CREB1: variants seen among roughly 807,000 people sequenced by gnomAD.
CREB1 encodes cAMP responsive element binding protein 1.
Under a neutral mutation model 42.0 loss-of-function variants are expected in CREB1, and 2 were observed. The observed-to-expected ratio is 0.05, with a 90% CI of 0.02 to 0.15. The LOEUF is 0.15. Among genes scored for constraint, CREB1 ranks in the 10% least tolerant of loss-of-function variants. The pLI is 1.00. For synonymous variants in CREB1, 123 were observed against 139.9 expected (o/e 0.88, Z 0.85); for missense variants, 199 against 388.9 (o/e 0.51, Z 4.11).
intron 1 of CREB1, among the ~76,000 whole-genome samples, chr2:207,543,896 G>A (rs923397887): frequency 3.4e-5 from 5 of 145,302 alleles, no homozygotes; most frequent in East Asian, 4.2e-4. Flanking sequence ...GAGCCACGGC[G>A]CCCAGCCAAA....
chr2:207,576,168 T>C (rs1371781773), intron 6 of CREB1, among the ~76,000 whole-genome samples: 1 of 150,792 alleles, frequency 6.6e-6, no homozygotes, highest in Non-Finnish European at 1.5e-5. Context: ...TATACCAATA[T>C]GCAAATCTGC....
rs1384329280 is a variant in CREB1 at position 207,603,393 on chromosome 2, CATTT to C, written c.*6338_*6341del. 3.6e-5 allele frequency: 8 copies of C among 224,108 alleles called. No homozygotes were observed. The highest frequency in any genetic ancestry group is 1.1e-4 in the African/African-American group (5 of 44,812). The allele number at this position is 224,108 out of a possible 1,614,324, so 13.9% of individuals were successfully genotyped here. A position where few individuals can be genotyped will look rare whatever the true frequency, so the allele number is the denominator to read the frequency against. On this transcript the variant is annotated 3_prime_UTR_variant, in exon 8 of 8. Transcript: ENST00000353267. ...TGTCATAATGCTCTTTTTACACAAACATTTATGTGCAGTCACATAAACATGCTTT... is the reference window on the plus strand; with the variant it reads ...TGTCATAATGCTCTTTTTACACAAACATGTGCAGTCACATAAACATGCTTT...
At chr2:207,553,503 CCAG>C in intron 1 of CREB1, among the ~76,000 whole-genome samples, 1 of 149,848 alleles carries the variant, frequency 6.7e-6, no homozygotes, top group Middle Eastern at 3.2e-3. Context: ...TTGATAATAA[CCAG>C]AGTTATTTGA....
At position 207,567,486 on chromosome 2, in the gene CREB1, A is replaced by G. The variant is rs2082184003; in HGVS notation, c.285A>G (p.Glu95=). 2 of 1,609,920 alleles carry G rather than the reference A, an allele frequency of 1.2e-6. No homozygotes were observed. Among genetic ancestry groups the G allele is most frequent in the Non-Finnish European group, 8.5e-7 (1 of 1,177,394 alleles). The part of the protein sequence containing the change: ...TVQISTIAES[E]DSQESVDSVT... ...AGATTTCAACTATTGCAGAAAGTGAAGATTCACAGGAGTCAGTGGATAGTG... is the reference window on the plus strand; with the variant it reads ...AGATTTCAACTATTGCAGAAAGTGAGGATTCACAGGAGTCAGTGGATAGTG... The change falls in exon 4 of 8, where the codon GAA becomes GAG. Residue 95 remains glutamate (E), a synonymous_variant. Coordinates refer to ENST00000353267, the MANE Select transcript of CREB1 (RefSeq NM_004379.5).
At chr2:207,595,729 T>G (rs2106636784) in intron 7 of CREB1, among the ~76,000 whole-genome samples, 1 of 152,304 alleles carries the variant, frequency 6.6e-6, no homozygotes, top group Non-Finnish European at 1.5e-5. Context: ...CACACTTGGC[T>G]AAATTTTTAA....
intron 1 of CREB1, among the ~76,000 whole-genome samples, chr2:207,544,968 T>C (rs180764495): frequency 6.6e-6 from 1 of 152,358 alleles, no homozygotes; most frequent in East Asian, 1.9e-4. Context: ...CTGTCATTGA[T>C]GGGCATTTAG....
chr2:207,570,995 G>A (rs1574862988), intron 5 of CREB1, among the ~76,000 whole-genome samples: 2 of 69,606 alleles, frequency 2.9e-5, no homozygotes, highest in East Asian at 6.5e-4. Context: ...AAGCATTTGT[G>A]TGAATGGTAC....
At chr2:207,543,196 A>G (rs2081165151) in intron 1 of CREB1, among the ~76,000 whole-genome samples, 1 of 152,164 alleles carries the variant, frequency 6.6e-6, no homozygotes, top group Non-Finnish European at 1.5e-5. Flanking sequence ...CAGCAAATTC[A>G]AGCTTTACTT....
intron 1 of CREB1, among the ~76,000 whole-genome samples, chr2:207,542,410 T>C (rs1559266394): frequency 6.6e-6 from 1 of 152,252 alleles, no homozygotes; most frequent in Non-Finnish European, 1.5e-5. Context: ...GATTTGTATT[T>C]CCCTCACGAC....
intron 4 of CREB1, 118 bp from the exon 5 acceptor site, chr2:207,570,061 A>AC (rs1312061366): frequency 1.1e-5 from 7 of 651,188 alleles, no homozygotes; most frequent in Non-Finnish European, 1.2e-5. Context: ...AAAAAAAAAA[A>AC]ACCTTCTGTC....
intron 5 of CREB1, among the ~76,000 whole-genome samples, chr2:207,570,996 T>C (rs1399584211): frequency 6.6e-6 from 1 of 151,638 alleles, no homozygotes; most frequent in Non-Finnish European, 1.5e-5. Context: ...AGCATTTGTG[T>C]GAATGGTACT....
At chr2:207,594,879 A>G (rs1297484373) in intron 7 of CREB1, among the ~76,000 whole-genome samples, 3 of 151,754 alleles carry the variant, frequency 2.0e-5, no homozygotes, top group African/African-American at 4.8e-5. Context: ...CTCATCAACA[A>G]TGGGTATTTT....
In CREB1 at chr2:207,597,331, T is replaced by C. The variant is rs1302462003; in HGVS notation, c.*273T>C. On this transcript the variant is annotated 3_prime_UTR_variant, in exon 8 of 8. Coordinates refer to ENST00000353267, the MANE Select transcript of CREB1 (RefSeq NM_004379.5). The stretch of plus-strand genomic sequence containing the variant: ...AACCCCCACCCTCCTCAAGAAGTAA[T>C]AATTTGTTTACTTGTAAATTGATGG... The C allele has an allele frequency of 5.8e-6, 2 of 343,600 alleles. No homozygotes were observed. Among genetic ancestry groups the C allele is most frequent in the Non-Finnish European group, 1.0e-5 (2 of 192,282 alleles). The allele number at this position is 343,600 out of a possible 1,614,324, so 21.3% of individuals were successfully genotyped here.
At chr2:207,535,703 G>C (rs1376333117) in intron 1 of CREB1, among the ~76,000 whole-genome samples, 2 of 151,612 alleles carry the variant, frequency 1.3e-5, no homozygotes, top group Non-Finnish European at 2.9e-5. Context: ...GTTGGACCAA[G>C]TAATACGTAT....
chr2:207,544,621 G>C (rs1195485448), intron 1 of CREB1, among the ~76,000 whole-genome samples: 1 of 152,086 alleles, frequency 6.6e-6, no homozygotes, highest in Non-Finnish European at 1.5e-5. Flanking sequence ...ATAGGTAATC[G>C]TGTGCCATGG....
intron 7 of CREB1, among the ~76,000 whole-genome samples, chr2:207,596,600 A>G (rs1239900133): frequency 6.6e-6 from 1 of 152,138 alleles, no homozygotes; most frequent in Non-Finnish European, 1.5e-5. Flanking sequence ...CACCCCGCTA[A>G]TTTTTGTGTT....
chr2:207,571,310 T>C (rs1023960335), intron 5 of CREB1, among the ~76,000 whole-genome samples: 2 of 152,030 alleles, frequency 1.3e-5, no homozygotes, highest in African/African-American at 4.8e-5. Context: ...TCCAGGAGTT[T>C]AAGACCCCAT....
intron 1 of CREB1, among the ~76,000 whole-genome samples, chr2:207,547,420 C>A (rs1485265422): frequency 6.6e-6 from 1 of 152,168 alleles, no homozygotes; most frequent in African/African-American, 2.4e-5. Context: ...CATTTGAAGA[C>A]AGCTTCATTC....
rs905874599 is a variant in CREB1 at position 207,598,055 on chromosome 2, A to G, written c.*997A>G. ...CACCAAGAAAGCCTTCAAGATGTCA[A>G]ATAAAGCAAAGTGATATATATTTGT... On this transcript the variant is annotated 3_prime_UTR_variant, in exon 8 of 8. Coordinates refer to ENST00000353267, the MANE Select transcript of CREB1 (RefSeq NM_004379.5). 1.7e-5 allele frequency: 3 copies of G among 181,260 alleles called. No individual in the cohort carries two copies. Among genetic ancestry groups the G allele is most frequent in the African/African-American group, 7.1e-5 (3 of 42,498 alleles). 11.2% of individuals were successfully genotyped at this position (181,260 alleles called of 1,614,324 possible).
Sources: gnomAD v4.1 joint callset for allele counts (sites outside exome capture counted in the v4.1 genomes callset) on GRCh38, gnomAD v4.1.1 for gene constraint, MANE v1.5 for transcripts, NCBI Gene and HGNC (gene_info 2026-07-23, HGNC 2026-07-21) for gene names.